The following MMAB variants were observed in gnomAD, a reference collection of about 807,000 sequenced individuals.
MMAB encodes metabolism of cobalamin associated B, also known as corrinoid adenosyltransferase MMAB.
In MMAB, 17 loss-of-function variants were observed where a neutral mutation model predicts 30.6. The observed-to-expected ratio is 0.56, with a 90% confidence interval of 0.38 to 0.83. MMAB has a LOEUF of 0.83. Among genes scored for constraint, MMAB ranks in the 40% least tolerant of loss-of-function variants. MMAB has a pLI of 0.00. For synonymous variants in MMAB, 134 were observed against 138.6 expected (o/e 0.97, Z 0.23); for missense variants, 311 against 331.6 (o/e 0.94, Z 0.48).
chr12:109,565,206 T>TA, intron 3 of MMAB, 30 bp from the exon 4 acceptor site: 1 of 1,549,078 alleles, frequency 6.5e-7, no homozygotes, highest in Non-Finnish European at 8.9e-7. Flanking sequence ...AGAATTTGCC[T>TA]GTAATGTAAT....
At chr12:109,564,227 A>T (rs1884326164) in intron 4 of MMAB, among the ~76,000 whole-genome samples, 1 of 152,140 alleles carries the variant, frequency 6.6e-6, no homozygotes, top group Non-Finnish European at 1.5e-5. Context: ...GCAACCAAAA[A>T]TGTCTCCAGA....
At chr12:109,563,963 G>C (rs569321672) in intron 4 of MMAB, among the ~76,000 whole-genome samples, 2 of 152,340 alleles carry the variant, frequency 1.3e-5, no homozygotes, top group South Asian at 4.1e-4. Flanking sequence ...AGTTCTCTGC[G>C]TGGGTCAGAG....
rs34507867 is a variant in MMAB, at chr12:109,555,449, ATTTTTTTTTTTTTTT to A, written c.*1564_*1578del. The A allele has an allele frequency of 4.1e-5, 13 of 318,572 alleles. No homozygotes were observed. Among genetic ancestry groups the A allele is most frequent in the Non-Finnish European group, 7.4e-5 (13 of 174,962 alleles). 19.7% of individuals were successfully genotyped at this position (318,572 alleles called of 1,614,324 possible). On this transcript the variant is annotated 3_prime_UTR_variant, in exon 9 of 9. Coordinates refer to ENST00000545712, the MANE Select transcript of MMAB (RefSeq NM_052845.4). ...AGGCACCCGCCACCATGCCCAGCTAATTTTTTTTTTTTTTTTTTTTTTTTAGCAGAAATGGGGTTT... is the reference window on the plus strand; with the variant it reads ...AGGCACCCGCCACCATGCCCAGCTAATTTTTTTTTAGCAGAAATGGGGTTT...
intron 4 of MMAB, 71 bp downstream of exon 4, chr12:109,565,048 G>T: frequency 8.8e-7 from 1 of 1,132,492 alleles, no homozygotes; most frequent in Non-Finnish European, 1.4e-6. Context: ...GTAACTGGTG[G>T]CTGGATGCTG....
In MMAB at chr12:109,558,760, C is replaced by G. The variant is rs930997285; in HGVS notation, c.644+336G>C. On this transcript the variant is annotated intron_variant, in intron 8 of 8. Coordinates refer to ENST00000545712, the MANE Select transcript of MMAB (RefSeq NM_052845.4). This position sits in a 1 kb window ranked among gnomAD's most constrained non-coding sequence, Gnocchi z 4.3. The stretch of plus-strand genomic sequence containing the variant: ...GCCTGGCTCCCTGGTCAGTCACCAC[C>G]GAGAGGCCTCCCCTGAGCACCCAGC... Among the ~76,000 whole-genome samples the G allele has an allele frequency of 6.6e-6, 1 of 152,050 alleles. No homozygotes were observed. The highest frequency in any genetic ancestry group is 1.9e-4 in the East Asian group (1 of 5,172).
At chr12:109,565,264 G>T in intron 3 of MMAB, 88 bp from the exon 4 acceptor site, 3 of 1,000,424 alleles carry the variant, frequency 3.0e-6, no homozygotes, top group Non-Finnish European at 3.2e-6. Flanking sequence ...CAGGTGGCAG[G>T]CCATTTAGTT....
chr12:109,565,036 G>A, intron 4 of MMAB, 83 bp downstream of exon 4: 1 of 1,038,532 alleles, frequency 9.6e-7, no homozygotes, highest in Non-Finnish European at 1.5e-6. Flanking sequence ...GTGACACAAA[G>A]AGTAACTGGT....
At position 109,561,134 on chromosome 12, in the gene MMAB, A is replaced by T. The variant is rs1455790658; in HGVS notation, c.520-30T>A. ...AAGGAGAAAGGGACATTGCCTGAGC[A>T]GGGTGGGAAAGGTGTGCCCACTGCG... On this transcript the variant is annotated intron_variant, in intron 6 of 8. Coordinates refer to ENST00000545712, the MANE Select transcript of MMAB (RefSeq NM_052845.4). The surrounding 1 kb of genome is among the most constrained non-coding windows in gnomAD (Gnocchi z 5.3). The T allele has an allele frequency of 2.5e-6, 4 of 1,606,210 alleles. No homozygotes were observed. In the South Asian group the frequency reaches 4.4e-5, roughly 18 times the overall value.
In MMAB at chr12:109,558,227, G is replaced by A. The variant is rs530829810; in HGVS notation, c.644+869C>T. ...GCCTGTTGCTTGTTGGCTCTGTGAAGCCTCACTGAGGAGATGAAATGGCCT... is the reference window on the plus strand; with the variant it reads ...GCCTGTTGCTTGTTGGCTCTGTGAAACCTCACTGAGGAGATGAAATGGCCT... On this transcript the variant is annotated intron_variant, in intron 8 of 8. Coordinates refer to ENST00000545712, the MANE Select transcript of MMAB (RefSeq NM_052845.4). The surrounding 1 kb of genome is among the most constrained non-coding windows in gnomAD (Gnocchi z 4.3). Among the ~76,000 whole-genome samples the A allele has an allele frequency of 1.3e-3, 196 of 152,312 alleles. 1 individual carries two copies. Among genetic ancestry groups the A allele is most frequent in the Admixed American group, 2.1e-3 (32 of 15,300 alleles).
intron 7 of MMAB, among the ~76,000 whole-genome samples, chr12:109,560,452 A>G (rs1884152044): frequency 6.6e-6 from 1 of 152,226 alleles, no homozygotes; most frequent in African/African-American, 2.4e-5. Flanking sequence ...TTCTCTGTAA[A>G]GCTGGCTGGC....
Position 109,561,756 on chromosome 12 carries a change from C to T in MMAB, c.421+24G>A. 5 of 1,593,842 alleles carry T rather than the reference C, an allele frequency of 3.1e-6. No individual in the cohort carries two copies. Among genetic ancestry groups the T allele is most frequent in the Non-Finnish European group, 4.3e-6 (5 of 1,168,168 alleles). ...TCCCCTGACCCTAGGGCCCTCTGAACACCCACAGGAGTTTGAGAATTACTT... is the reference window on the plus strand; with the variant it reads ...TCCCCTGACCCTAGGGCCCTCTGAATACCCACAGGAGTTTGAGAATTACTT... On this transcript the variant is annotated intron_variant, in intron 5 of 8. Transcript: ENST00000545712. This position sits in a 1 kb window ranked among gnomAD's most constrained non-coding sequence, Gnocchi z 5.3.
Position 109,555,374 on chromosome 12 carries a change from G to A in MMAB, c.*1654C>T, listed in dbSNP as rs765127994. ...CTTGGCTCACTGCAGCCTCTGCCTC[G>A]TAGGTTCAAGTGATTCTCCTGCCTC... is the stretch of plus-strand genomic sequence containing the variant. On this transcript the variant is annotated 3_prime_UTR_variant, in exon 9 of 9. Coordinates refer to ENST00000545712, the MANE Select transcript of MMAB (RefSeq NM_052845.4). 8.4e-5 allele frequency: 35 copies of A among 417,708 alleles called. No individual in the cohort carries two copies. The East Asian group carries it at 8.7e-4, about 10-fold the overall frequency. The allele number at this position is 417,708 out of a possible 1,614,324, so 25.9% of individuals were successfully genotyped here. A position where few individuals can be genotyped will look rare whatever the true frequency, so the allele number is the denominator to read the frequency against.
chr12:109,569,572 C>A lies in MMAB; in HGVS notation c.197-709G>T, dbSNP rs1197625195. Among the ~76,000 whole-genome samples, 1 of 152,222 alleles carries A rather than the reference C, an allele frequency of 6.6e-6. No homozygotes were observed. The highest frequency in any genetic ancestry group is 1.5e-5 in the Non-Finnish European group (1 of 68,032). On this transcript the variant is annotated intron_variant, in intron 2 of 8. Coordinates refer to ENST00000545712, the MANE Select transcript of MMAB (RefSeq NM_052845.4). The surrounding 1 kb of genome is among the most constrained non-coding windows in gnomAD (Gnocchi z 4.1). ...ATTATATTTCACATGAAGTCAAAGTCCTCTGTGCCTCTGCCTAGCTCACAG... is the reference window on the plus strand; with the variant it reads ...ATTATATTTCACATGAAGTCAAAGTACTCTGTGCCTCTGCCTAGCTCACAG...
In MMAB at chr12:109,559,281, C is replaced by T. The variant is rs563988749; in HGVS notation, c.585-126G>A. 16 of 756,020 alleles carry T rather than the reference C, an allele frequency of 2.1e-5. No homozygotes were observed. In the African/African-American group the frequency reaches 2.2e-4, roughly 10 times the overall value. 46.8% of individuals were successfully genotyped at this position (756,020 alleles called of 1,614,324 possible). A position where few individuals can be genotyped will look rare whatever the true frequency, so the allele number is the denominator to read the frequency against. On this transcript the variant is annotated intron_variant, in intron 7 of 8. Coordinates refer to ENST00000545712, the MANE Select transcript of MMAB (RefSeq NM_052845.4). ...CAACCTGAACCTGCACAGGCTCGGC[C>T]GGCAGTGGAGATGACAAATCCATCA...
Position 109,573,375 on chromosome 12 carries a change from C to T in MMAB, c.106G>A (p.Gly36Ser). Residue 36 changes from glycine to serine, a missense_variant, in exon 1 of 9, where the codon GGC (glycine) becomes AGC (serine). Physicochemically the swap from Gly to Ser is moderately conservative, Grantham distance 56. Transcript: ENST00000545712. The stretch of plus-strand genomic sequence containing the variant: ...TCCCCGTCTTCCACGCCCTGAGGGC[C>T]GCGGCTCTGGAAACGGGGATACAGG... ...RLLYPRFQSR[G>S]PQGVEDGDRP... is the part of the protein sequence containing the mutation. 2 of 1,612,992 alleles carry T rather than the reference C, an allele frequency of 1.2e-6. No individual in the cohort carries two copies. The highest frequency in any genetic ancestry group is 1.7e-6 in the Non-Finnish European group (2 of 1,179,874).
chr12:109,570,873 CAAAAA>C (rs111235348), intron 2 of MMAB, among the ~76,000 whole-genome samples: 3 of 92,376 alleles, frequency 3.2e-5, no homozygotes, highest in Non-Finnish European at 2.2e-5. Flanking sequence ...AACCCTGTAT[CAAAAA>C]AAAAAAAAAA....
At chr12:109,566,786 G>C (rs1884443008) in intron 3 of MMAB, among the ~76,000 whole-genome samples, 1 of 152,234 alleles carries the variant, frequency 6.6e-6, no homozygotes. Context: ...CCACAACTGA[G>C]GTTTCTCCAA....
At position 109,553,763 on chromosome 12, in the gene MMAB, T is replaced by C. The variant is rs776804847; in HGVS notation, c.*3265A>G. 5.4e-4 allele frequency: 229 copies of C among 426,196 alleles called. 2 individuals carry two copies. The Middle Eastern group carries it at 9.1e-3, about 17-fold the overall frequency. 26.4% of individuals were successfully genotyped at this position (426,196 alleles called of 1,614,324 possible). A position where few individuals can be genotyped will look rare whatever the true frequency, so the allele number is the denominator to read the frequency against. On this transcript the variant is annotated 3_prime_UTR_variant, in exon 9 of 9. Coordinates refer to ENST00000545712, the MANE Select transcript of MMAB (RefSeq NM_052845.4). Reference sequence around the variant, plus strand: ...TTATTATACAAAGAATTTTATTCAATTAAACTTGAAATGCATCTGGATTCT... The same window carrying C: ...TTATTATACAAAGAATTTTATTCAACTAAACTTGAAATGCATCTGGATTCT...
At chr12:109,567,233 T>C in intron 3 of MMAB, 1 of 360,340 alleles carries the variant, frequency 2.8e-6, no homozygotes, top group Non-Finnish European at 5.5e-6. Flanking sequence ...CTAGGCACTG[T>C]CCTCAGGGTG....
Sources: allele counts gnomAD v4.1 joint callset (sites outside exome capture counted in the v4.1 genomes callset), GRCh38; gene constraint gnomAD v4.1.1; non-coding constraint Gnocchi (gnomAD v3.1); transcripts MANE v1.5; gene names NCBI Gene and HGNC (gene_info 2026-07-23, HGNC 2026-07-21).